The following ERAP1 variants were observed in gnomAD, a reference collection of about 807,000 sequenced individuals.
ERAP1 encodes adipocyte-derived leucine aminopeptidase.
In ERAP1, 86 loss-of-function variants were observed where a neutral mutation model predicts 103.7. The ratio of observed to expected loss-of-function variants is 0.83; its 90% CI spans 0.70 to 0.99. ERAP1 has a LOEUF of 0.99. ERAP1 is among the 50% of genes least tolerant of loss of function. The pLI is 0.00. For missense variants in ERAP1, 1,009 were observed against 1,128.4 expected (o/e 0.89, Z 1.52); for synonymous variants, 398 against 402.4 (o/e 0.99, Z 0.13).
rs469783 is a variant in ERAP1, at chr5:96,785,820, C to T, written c.1911G>A (p.Ala637=). The T allele has an allele frequency of 0.57, 913,251 of 1,613,624 alleles. 259,719 individuals carry two copies. Among genetic ancestry groups the T allele is most frequent in the African/African-American group, 0.58 (43,215 of 74,918 alleles). Residue 637 remains alanine, a synonymous_variant, in exon 13 of 19, where the codon GCG becomes GCA. Coordinates refer to ENST00000443439, the MANE Select transcript of ERAP1 (RefSeq NM_001040458.3). ...THTAVSSNDR[A]SLINNAFQLV... is the part of the protein sequence containing the mutation. ...GCTGAAATGCATTGTTAATGAGACT[C>T]GCCCGATCATTACTGCTGACTGCTG...
At chr5:96,840,384 ACT>A in the ERAP1 span, among the ~76,000 whole-genome samples, 4 of 151,624 alleles carry the variant, frequency 2.6e-5, no homozygotes, top group African/African-American at 9.7e-5. Context: ...GTTTATTTTC[ACT>A]CTTTTTTTTC....
intron 13 of ERAP1, 39 bp from the exon 14 acceptor site, chr5:96,784,119 A>C (rs1464163044): frequency 3.7e-6 from 6 of 1,610,842 alleles, no homozygotes; most frequent in Non-Finnish European, 5.1e-6. Flanking sequence ...TTAAAAGTAA[A>C]TCCGGGAAGT....
chr5:96,891,369 G>A, the ERAP1 span, among the ~76,000 whole-genome samples: 23 of 34,388 alleles, frequency 6.7e-4, no homozygotes, highest in Admixed American at 4.4e-3. Flanking sequence ...ATATATATAT[G>A]TGTATATATA....
At chr5:96,800,427 T>C (rs1777853165) in intron 3 of ERAP1, among the ~76,000 whole-genome samples, 3 of 152,252 alleles carry the variant, frequency 2.0e-5, no homozygotes, top group African/African-American at 7.2e-5. Context: ...TTACAAATTA[T>C]ATAATGAATA....
At chr5:96,828,820 A>T in the ERAP1 span, among the ~76,000 whole-genome samples, 1 of 152,128 alleles carries the variant, frequency 6.6e-6, no homozygotes, top group Non-Finnish European at 1.5e-5. Flanking sequence ...AATAAAAGTC[A>T]ATTTAATAGT....
intron 2 of ERAP1, among the ~76,000 whole-genome samples, chr5:96,801,900 A>G (rs1778050404): frequency 6.6e-6 from 1 of 150,946 alleles, no homozygotes; most frequent in Non-Finnish European, 1.5e-5. Context: ...CAACCAAGGG[A>G]ATCTCAGGCA....
At chr5:96,818,326 C>T in the ERAP1 span, among the ~76,000 whole-genome samples, 1 of 152,118 alleles carries the variant, frequency 6.6e-6, no homozygotes, top group Admixed American at 6.6e-5. Flanking sequence ...ATGAACACAA[C>T]ACCTCCACTC....
At chr5:96,884,594 G>A in the ERAP1 span, among the ~76,000 whole-genome samples, 1 of 152,010 alleles carries the variant, frequency 6.6e-6, no homozygotes, top group Non-Finnish European at 1.5e-5. Context: ...GTCTCTCTCT[G>A]TTGCCCAGGT....
At chr5:96,782,166 A>G (rs963432849) in intron 15 of ERAP1, among the ~76,000 whole-genome samples, 2 of 151,848 alleles carry the variant, frequency 1.3e-5, no homozygotes, top group Admixed American at 6.6e-5. Flanking sequence ...GCCCGCCACC[A>G]TGCCCGGCTC....
the ERAP1 span, among the ~76,000 whole-genome samples, chr5:96,852,201 T>C: frequency 6.6e-6 from 1 of 152,370 alleles, no homozygotes; most frequent in African/African-American, 2.4e-5. Flanking sequence ...AAAAATGTTT[T>C]GGCCTTATAT....
chr5:96,811,607 C>A (rs578073922), upstream of ERAP1, among the ~76,000 whole-genome samples: 2 of 152,302 alleles, frequency 1.3e-5, no homozygotes, highest in South Asian at 4.1e-4. Context: ...CCAATGCTTT[C>A]CTTTTTGATT....
the ERAP1 span, chr5:96,919,351 C>A: frequency 6.6e-6 from 1 of 152,194 alleles, no homozygotes; most frequent in African/African-American, 2.4e-5. Flanking sequence ...TGGTGGTGGA[C>A]CTTCCTTGGT....
the ERAP1 span, among the ~76,000 whole-genome samples, chr5:96,907,153 T>C: frequency 0.33 from 50,311 of 151,980 alleles, 8,851 homozygotes; most frequent in East Asian, 0.46. Flanking sequence ...ACTTTTACTG[T>C]TGAGCTAAGG....
the ERAP1 span, among the ~76,000 whole-genome samples, chr5:96,818,258 A>T: frequency 6.6e-6 from 1 of 152,086 alleles, no homozygotes; most frequent in Non-Finnish European, 1.5e-5. Flanking sequence ...TTGCCTGCTC[A>T]ACACACCTCC....
the ERAP1 span, among the ~76,000 whole-genome samples, chr5:96,872,773 TAAG>T: frequency 6.6e-6 from 1 of 152,224 alleles, no homozygotes; most frequent in African/African-American, 2.4e-5. Flanking sequence ...TGAATTATTT[TAAG>T]AAGATGTTTC....
intron 13 of ERAP1, chr5:96,785,137 G>A (rs549245543): frequency 3.2e-5 from 5 of 155,658 alleles, no homozygotes; most frequent in Non-Finnish European, 7.1e-5. Context: ...CTGCCTACAT[G>A]TTGAAGAAGT....
intron 1 of ERAP1, among the ~76,000 whole-genome samples, chr5:96,806,851 GA>G (rs61277270): frequency 1.9e-4 from 28 of 144,654 alleles, no homozygotes; most frequent in African/African-American, 2.3e-4. Flanking sequence ...GGATTAATTT[GA>G]AAAAAAAAAA....
At chr5:96,784,646 C>G (rs1775749780) in intron 13 of ERAP1, 1 of 158,004 alleles carries the variant, frequency 6.3e-6, no homozygotes, top group African/African-American at 2.4e-5. Context: ...AGCATCTATC[C>G]CTGTGAAACA....
At chr5:96,797,085 C>A (rs1308764888) in intron 4 of ERAP1, 90 bp downstream of exon 4, 27 of 1,505,230 alleles carry the variant, frequency 1.8e-5, no homozygotes, top group Non-Finnish European at 2.3e-5. Flanking sequence ...CACGCACGAC[C>A]CACTGCGCTC....
Sources: gnomAD v4.1 joint callset for allele counts (sites outside exome capture counted in the v4.1 genomes callset) on GRCh38, gnomAD v4.1.1 for gene constraint, MANE v1.5 for transcripts, NCBI Gene and HGNC (gene_info 2026-07-23, HGNC 2026-07-21) for gene names.